Variants in CNTNAP2 observed in about 807,000 individuals in gnomAD.
The protein encoded by CNTNAP2 is contactin associated protein 2.
In CNTNAP2, 98 loss-of-function variants were observed where a neutral mutation model predicts 155.2. That is an observed-to-expected ratio of 0.63 (90% CI 0.54 to 0.75). The LOEUF (loss-of-function observed/expected upper bound fraction) is 0.75. CNTNAP2 is among the 30% of genes least tolerant of loss of function. The pLI is 0.00. For missense variants in CNTNAP2, 1,727 were observed against 1,688.1 expected (o/e 1.02, Z -0.40); for synonymous variants, 651 against 631.2 (o/e 1.03, Z -0.47).
chr7:148,297,296 A>C (rs1329869901), intron 21 of CNTNAP2, among the ~76,000 whole-genome samples: 2 of 152,214 alleles, frequency 1.3e-5, no homozygotes, highest in Admixed American at 1.3e-4. Flanking sequence ...GTTACATCAG[A>C]CAGCTAGAGA....
intron 14 of CNTNAP2, among the ~76,000 whole-genome samples, chr7:147,973,486 T>C (rs1801372613): frequency 6.6e-6 from 1 of 152,228 alleles, no homozygotes; most frequent in African/African-American, 2.4e-5. Context: ...TTTTATAAAC[T>C]TCAATATAGC....
At chr7:146,905,256 G>A (rs996173723) in intron 3 of CNTNAP2, among the ~76,000 whole-genome samples, 2 of 151,978 alleles carry the variant, frequency 1.3e-5, no homozygotes, top group Admixed American at 6.6e-5. Context: ...TAGCCTTTGA[G>A]GGATGTGAGG....
intron 13 of CNTNAP2, among the ~76,000 whole-genome samples, chr7:147,655,217 G>A (rs1213419761): frequency 6.6e-6 from 1 of 152,050 alleles, no homozygotes; most frequent in Non-Finnish European, 1.5e-5. Flanking sequence ...CCGCCTCCTG[G>A]ATTCAAGCAA....
At chr7:146,688,801 A>C (rs1188585538) in intron 1 of CNTNAP2, among the ~76,000 whole-genome samples, 1 of 152,134 alleles carries the variant, frequency 6.6e-6, no homozygotes, top group Non-Finnish European at 1.5e-5. Context: ...ATGACATAAA[A>C]ACAAAGACTA....
chr7:147,853,202 C>T (rs1798980519), intron 13 of CNTNAP2, among the ~76,000 whole-genome samples: 1 of 152,170 alleles, frequency 6.6e-6, no homozygotes. Context: ...TCAATCATAA[C>T]TCACTAGTGA....
At chr7:147,414,941 C>CA (rs67048724) in intron 10 of CNTNAP2, among the ~76,000 whole-genome samples, 1,820 of 50,706 alleles carry the variant, frequency 0.036, 83 homozygotes, top group African/African-American at 0.049. Flanking sequence ...GACTCCTTCT[C>CA]AAAAAAAAAA....
chr7:147,926,394 A>G (rs1800399085), intron 14 of CNTNAP2, among the ~76,000 whole-genome samples: 1 of 152,230 alleles, frequency 6.6e-6, no homozygotes, highest in South Asian at 2.1e-4. Flanking sequence ...TTCTTCCATA[A>G]TAAAATGGGA....
intron 8 of CNTNAP2, among the ~76,000 whole-genome samples, chr7:147,214,248 A>G (rs764469040): frequency 2.0e-5 from 3 of 152,160 alleles, no homozygotes; most frequent in Non-Finnish European, 4.4e-5. Context: ...TTCTTTTATA[A>G]CTAGGAATGT....
In CNTNAP2 at chr7:148,101,350, AGTGTGTGTGTGTGTGTGTGT is replaced by A. The variant is rs4015917; in HGVS notation, c.2384-16744_2384-16725del. Among the ~76,000 whole-genome samples the A allele has an allele frequency of 1.5e-4, 21 of 144,456 alleles. No homozygotes were observed. The East Asian group carries it at 3.2e-3, about 22-fold the overall frequency. 94.8% of individuals were successfully genotyped at this position (144,456 alleles called of 152,430 possible). ...ATGGAAGCACAAAACTAAAAAGTTCAGTGTGTGTGTGTGTGTGTGTGTGTGTGTGTGTGTGTGTGTGTGGT... is the reference window on the plus strand; with the variant it reads ...ATGGAAGCACAAAACTAAAAAGTTCAGTGTGTGTGTGTGTGTGTGTGTGGT... On this transcript the variant is annotated intron_variant, in intron 15 of 23. Coordinates refer to ENST00000361727, the MANE Select transcript of CNTNAP2 (RefSeq NM_014141.6).
chr7:147,289,002 T>A (rs530358801), intron 8 of CNTNAP2, among the ~76,000 whole-genome samples: 1 of 152,174 alleles, frequency 6.6e-6, no homozygotes, highest in Non-Finnish European at 1.5e-5. Context: ...AGGTACCTCA[T>A]ATACATTATG....
At chr7:147,276,761 A>C (rs1189335136) in intron 8 of CNTNAP2, among the ~76,000 whole-genome samples, 1 of 151,978 alleles carries the variant, frequency 6.6e-6, no homozygotes, top group East Asian at 1.9e-4. Context: ...GGTTTTTTAT[A>C]CTAGCACACT....
At chr7:147,652,054 A>C (rs1031092292) in intron 13 of CNTNAP2, among the ~76,000 whole-genome samples, 5 of 152,216 alleles carry the variant, frequency 3.3e-5, no homozygotes, top group African/African-American at 9.6e-5. Context: ...TCCTTACAGA[A>C]GCACCTATGA....
chr7:146,639,152 A>G (rs924044589), intron 1 of CNTNAP2, among the ~76,000 whole-genome samples: 4 of 152,234 alleles, frequency 2.6e-5, no homozygotes, highest in Non-Finnish European at 4.4e-5. Context: ...ATGTGATTCC[A>G]TCTGATAGCA....
At chr7:146,623,418 C>T (rs1467354309) in intron 1 of CNTNAP2, among the ~76,000 whole-genome samples, 2 of 152,146 alleles carry the variant, frequency 1.3e-5, no homozygotes, top group East Asian at 1.9e-4. Context: ...ATGCCCTGTG[C>T]TTTGCCCACT....
At chr7:147,956,765 A>G (rs765396479) in intron 14 of CNTNAP2, among the ~76,000 whole-genome samples, 1 of 152,192 alleles carries the variant, frequency 6.6e-6, no homozygotes, top group South Asian at 2.1e-4. Flanking sequence ...ATTTAATTCT[A>G]CTTAGATTGA....
At chr7:146,704,625 A>G (rs547042877) in intron 1 of CNTNAP2, among the ~76,000 whole-genome samples, 7 of 152,284 alleles carry the variant, frequency 4.6e-5, no homozygotes, top group African/African-American at 1.7e-4. Context: ...TGCCAATAAG[A>G]TTAGAAAATA....
intron 12 of CNTNAP2, among the ~76,000 whole-genome samples, chr7:147,609,552 A>G (rs1445133789): frequency 6.6e-6 from 1 of 152,126 alleles, no homozygotes; most frequent in African/African-American, 2.4e-5. Flanking sequence ...TAATTAATTA[A>G]TTAAGGTTGT....
chr7:147,562,770 C>T (rs1347955923), intron 12 of CNTNAP2, among the ~76,000 whole-genome samples: 1 of 152,092 alleles, frequency 6.6e-6, no homozygotes, highest in Non-Finnish European at 1.5e-5. Flanking sequence ...GGAAGAGGAC[C>T]TAGTTTTTCT....
intron 8 of CNTNAP2, among the ~76,000 whole-genome samples, chr7:147,273,562 C>G (rs1046168015): frequency 1.3e-5 from 2 of 151,758 alleles, no homozygotes; most frequent in Admixed American, 6.6e-5. Context: ...TCTATATGTT[C>G]ATGTGTGTCT....
Sources: gnomAD v4.1 joint callset for allele counts (sites outside exome capture counted in the v4.1 genomes callset) on GRCh38, gnomAD v4.1.1 for gene constraint, MANE v1.5 for transcripts, NCBI Gene and HGNC (gene_info 2026-07-23, HGNC 2026-07-21) for gene names.